Variants in LRGUK observed in about 807,000 individuals in gnomAD.
LRGUK encodes the protein leucine rich repeats and guanylate kinase domain containing, also known as leucine-rich repeat and guanylate kinase domain-containing protein.
In LRGUK, 65 loss-of-function variants were observed where a neutral mutation model predicts 76.0. The ratio of observed to expected loss-of-function variants is 0.85; its 90% CI spans 0.70 to 1.05. The LOEUF (loss-of-function observed/expected upper bound fraction) is 1.05, where lower values mean the gene tolerates loss of function less well. Ranked by LOEUF, LRGUK falls within the 50% of genes least tolerant of loss-of-function variation. The pLI is 0.00. For synonymous variants in LRGUK, 268 were observed against 265.6 expected (o/e 1.01, Z -0.09); for missense variants, 758 against 732.8 (o/e 1.03, Z -0.40).
chr7:134,239,699 T>G (rs1192517907), intron 16 of LRGUK, among the ~76,000 whole-genome samples: 1 of 151,706 alleles, frequency 6.6e-6, no homozygotes, highest in African/African-American at 2.4e-5. Context: ...TTGAAGAGAG[T>G]AGTGGTTTTC....
intron 2 of LRGUK, among the ~76,000 whole-genome samples, chr7:134,138,601 T>G (rs1467902863): frequency 6.6e-6 from 1 of 152,222 alleles, no homozygotes; most frequent in Non-Finnish European, 1.5e-5. Flanking sequence ...GTTTATTTAT[T>G]ATTACTGTTC....
At chr7:134,167,484 C>G (rs1799042989) in intron 7 of LRGUK, among the ~76,000 whole-genome samples, 1 of 152,194 alleles carries the variant, frequency 6.6e-6, no homozygotes, top group South Asian at 2.1e-4. Context: ...TGCTTTAGCA[C>G]TGGCTCACTG....
intron 5 of LRGUK, among the ~76,000 whole-genome samples, chr7:134,156,698 G>A (rs1007784385): frequency 6.6e-6 from 1 of 152,156 alleles, no homozygotes; most frequent in African/African-American, 2.4e-5. Context: ...GGAATTCTAT[G>A]AGAATTTTTT....
intron 1 of LRGUK, among the ~76,000 whole-genome samples, chr7:134,129,256 C>G (rs1355006250): frequency 7.6e-6 from 1 of 131,512 alleles, no homozygotes; most frequent in Non-Finnish European, 1.6e-5. Context: ...CTCCCTCTCT[C>G]TCTCCCTCCC....
chr7:134,174,198 G>A (rs576907103), intron 7 of LRGUK, among the ~76,000 whole-genome samples: 52 of 152,094 alleles, frequency 3.4e-4, no homozygotes, highest in South Asian at 6.2e-4. Context: ...GGAAGGCTAG[G>A]AATGGCGGTG....
rs542206916 is a variant in LRGUK, at chr7:134,223,202, T to C, written c.1983+1284T>C. Among the ~76,000 whole-genome samples, 7 of 152,284 alleles carry C rather than the reference T, an allele frequency of 4.6e-5. No homozygotes were observed. In the East Asian group the frequency reaches 1.2e-3, roughly 25 times the overall value. On this transcript the variant is annotated intron_variant, in intron 16 of 19. Transcript: ENST00000285928. Reference sequence around the variant, plus strand: ...CCCACTAGCTTGAGCACTACTCTCATGCGCCATCCAGCCCTGACTGTCCTA... The same window carrying C: ...CCCACTAGCTTGAGCACTACTCTCACGCGCCATCCAGCCCTGACTGTCCTA...
downstream of LRGUK, among the ~76,000 whole-genome samples, chr7:134,265,457 G>C (rs1298106909): frequency 6.6e-6 from 1 of 152,134 alleles, no homozygotes; most frequent in Non-Finnish European, 1.5e-5. Context: ...TAAACTGGGT[G>C]CTAGAGAAAC....
intron 16 of LRGUK, among the ~76,000 whole-genome samples, chr7:134,237,055 T>C (rs1251862966): frequency 1.0e-4 from 14 of 140,248 alleles, no homozygotes; most frequent in East Asian, 2.0e-4. Context: ...TCTTTCTTTT[T>C]TTTTTTTTTT....
In LRGUK at chr7:134,172,101, A is replaced by G. The variant is rs1197234822; in HGVS notation, c.940-2455A>G. On this transcript the variant is annotated intron_variant, in intron 7 of 15. Coordinates refer to ENST00000645682, the Ensembl canonical transcript of LRGUK. The stretch of plus-strand genomic sequence containing the variant: ...ATATAATTTTGTATGTTCCATGATC[A>G]CTCAGTTCATGGTGTTTGTAACATA... Among the ~76,000 whole-genome samples the G allele has an allele frequency of 2.0e-5, 3 of 152,118 alleles. No homozygotes were observed. In the East Asian group the frequency reaches 5.8e-4, roughly 29 times the overall value.
intron 12 of LRGUK, among the ~76,000 whole-genome samples, chr7:134,194,092 T>G (rs1800379288): frequency 6.6e-6 from 1 of 152,154 alleles, no homozygotes; most frequent in Admixed American, 6.5e-5. Flanking sequence ...CCCTGAGGTT[T>G]CTGGAGTATG....
chr7:134,273,408 T>C, the LRGUK span, among the ~76,000 whole-genome samples: 1 of 152,312 alleles, frequency 6.6e-6, no homozygotes, highest in East Asian at 1.9e-4. Context: ...CTCAACCTTG[T>C]GTGCATAACA....
intron 11 of LRGUK, among the ~76,000 whole-genome samples, chr7:134,190,044 T>A (rs758873052): frequency 1.6e-4 from 24 of 152,328 alleles, no homozygotes; most frequent in Middle Eastern, 3.4e-3. Flanking sequence ...AATTGACTTT[T>A]GAGTCATCCT....
intron 19 of LRGUK, 67 bp from the exon 20 acceptor site, chr7:134,263,778 C>T (rs531156799): frequency 2.8e-6 from 4 of 1,448,622 alleles, no homozygotes; most frequent in Admixed American, 2.2e-5. Context: ...TTATATCATG[C>T]AACACTTATT....
chr7:134,211,707 A>G (rs1801279802), downstream of LRGUK, among the ~76,000 whole-genome samples: 1 of 152,234 alleles, frequency 6.6e-6, no homozygotes, highest in Non-Finnish European at 1.5e-5. Flanking sequence ...GAATCAATTA[A>G]AAGAATTAAT....
chr7:134,249,406 G>T (rs1038432953), intron 18 of LRGUK, among the ~76,000 whole-genome samples: 9 of 152,124 alleles, frequency 5.9e-5, no homozygotes, highest in African/African-American at 2.2e-4. Context: ...GGTAAGGCAG[G>T]CAATGATGTT....
rs751402742 is a variant in LRGUK at position 134,158,185 on chromosome 7, T to C, written c.795+26T>C. The C allele has an allele frequency of 3.8e-6, 6 of 1,597,498 alleles. No individual in the cohort carries two copies. The Admixed American group carries it at 8.4e-5, about 22-fold the overall frequency. ...GTGAGTCTAACAAAATGCTGTTCTT[T>C]ATAGAAGTAGTAGTTAATGCTTTTA... On this transcript the variant is annotated intron_variant, in intron 6 of 15. Transcript: ENST00000645682.
chr7:134,263,186 C>A (rs1585613437), intron 19 of LRGUK, among the ~76,000 whole-genome samples: 1 of 152,050 alleles, frequency 6.6e-6, no homozygotes. Flanking sequence ...GAATCCTCTG[C>A]TTTACTTTCT....
intron 16 of LRGUK, among the ~76,000 whole-genome samples, chr7:134,222,346 G>A (rs773503908): frequency 6.2e-4 from 94 of 152,296 alleles, no homozygotes; most frequent in African/African-American, 2.2e-3. Context: ...TAAACCAGTC[G>A]CATCACTTAG....
chr7:134,155,775 T>A (rs963073711), intron 5 of LRGUK, among the ~76,000 whole-genome samples: 1 of 152,218 alleles, frequency 6.6e-6, no homozygotes. Context: ...CCACCTGATA[T>A]TATCCCCACT....
Sources: allele counts gnomAD v4.1 joint callset (sites outside exome capture counted in the v4.1 genomes callset), GRCh38; gene constraint gnomAD v4.1.1; transcripts MANE v1.5; gene names NCBI Gene and HGNC (gene_info 2026-07-23, HGNC 2026-07-21).